Variants in FYB2 observed in about 807,000 individuals in gnomAD.
The protein encoded by FYB2 is FYN binding protein 2.
Under a neutral mutation model 94.1 loss-of-function variants are expected in FYB2, and 103 were observed. That is an observed-to-expected ratio of 1.09 (90% confidence interval 0.93 to 1.29). The LOEUF (loss-of-function observed/expected upper bound fraction) is 1.29, where lower values mean the gene tolerates loss of function less well. FYB2 is among the 50% of genes most tolerant of loss of function. FYB2 has a pLI of 0.00. For missense variants in FYB2, 896 were observed against 841.5 expected, an observed-to-expected ratio of 1.06 and a Z score of -0.80; for synonymous variants, 293 against 287.9, an observed-to-expected ratio of 1.02 and a Z score of -0.18.
intron 7 of FYB2, among the ~76,000 whole-genome samples, chr1:56,755,660 G>A (rs2100723039): frequency 6.6e-6 from 1 of 152,226 alleles, no homozygotes; most frequent in Admixed American, 6.5e-5. Context: ...TCTGGCACAT[G>A]TTGGGTACTC....
intron 4 of FYB2, among the ~76,000 whole-genome samples, chr1:56,779,043 G>A (rs1465789480): frequency 6.6e-6 from 1 of 152,120 alleles, no homozygotes; most frequent in Non-Finnish European, 1.5e-5. Flanking sequence ...AGGGAAGTTT[G>A]TTGTGTTTGA....
chr1:56,811,103 G>A (rs1646757267), intron 1 of FYB2, among the ~76,000 whole-genome samples: 3 of 152,086 alleles, frequency 2.0e-5, no homozygotes, highest in African/African-American at 2.4e-5. Flanking sequence ...AATCATAGAT[G>A]CTCTAGGGGA....
chr1:56,735,337 G>A (rs1481940590), intron 15 of FYB2, among the ~76,000 whole-genome samples: 5 of 152,082 alleles, frequency 3.3e-5, no homozygotes, highest in African/African-American at 4.8e-5. Context: ...AGGACATTAT[G>A]TTAAGTGAAA....
chr1:56,731,511 G>T (rs1010508285), intron 15 of FYB2, among the ~76,000 whole-genome samples: 6 of 151,934 alleles, frequency 3.9e-5, no homozygotes, highest in Non-Finnish European at 8.8e-5. Flanking sequence ...ATCATGGAGG[G>T]TTACTGTGAT....
chr1:56,788,488 G>C (rs1368867913), intron 3 of FYB2, among the ~76,000 whole-genome samples: 1 of 152,180 alleles, frequency 6.6e-6, no homozygotes. Context: ...AGATGTTTCA[G>C]TTTCTGGAAG....
chr1:56,814,263 C>T (rs1469736822), intron 1 of FYB2, among the ~76,000 whole-genome samples: 1 of 152,204 alleles, frequency 6.6e-6, no homozygotes, highest in African/African-American at 2.4e-5. Context: ...TCGGCTTTAT[C>T]ATCCAGGCCA....
intron 4 of FYB2, among the ~76,000 whole-genome samples, chr1:56,774,787 C>A (rs1321450989): frequency 6.6e-6 from 1 of 151,966 alleles, no homozygotes; most frequent in Non-Finnish European, 1.5e-5. Flanking sequence ...AAGACCCACC[C>A]TTAATCTGTG....
intron 5 of FYB2, among the ~76,000 whole-genome samples, chr1:56,763,061 GC>G (rs774606958): frequency 1.3e-5 from 2 of 152,118 alleles, no homozygotes; most frequent in Non-Finnish European, 2.9e-5. Flanking sequence ...TATTGAACCA[GC>G]TTTGCATCTC....
intron 1 of FYB2, among the ~76,000 whole-genome samples, chr1:56,803,742 C>A (rs1646573741): frequency 6.6e-6 from 1 of 152,228 alleles, no homozygotes; most frequent in South Asian, 2.1e-4. Context: ...CGTAGAACTC[C>A]TGGGCTCCCT....
chr1:56,791,627 T>C (rs907295476), intron 2 of FYB2, among the ~76,000 whole-genome samples: 1 of 152,142 alleles, frequency 6.6e-6, no homozygotes, highest in South Asian at 2.1e-4. Context: ...TGCCGACAGA[T>C]TCAGTGTGTA....
chr1:56,816,003 C>T (rs190065415), intron 1 of FYB2, among the ~76,000 whole-genome samples: 1 of 152,286 alleles, frequency 6.6e-6, no homozygotes. Flanking sequence ...AAACAAAATT[C>T]TATAGGGTTC....
intron 19 of FYB2, 27 bp from the exon 20 acceptor site, chr1:56,719,719 A>T: frequency 3.2e-6 from 5 of 1,555,532 alleles, no homozygotes; most frequent in Non-Finnish European, 4.4e-6. Context: ...ATATGCAAAC[A>T]TTTTAAAATA....
intron 3 of FYB2, 43 bp downstream of exon 3, chr1:56,788,930 G>C (rs1570156403): frequency 6.2e-7 from 1 of 1,609,802 alleles, no homozygotes; most frequent in East Asian, 2.2e-5. Flanking sequence ...AGACGGAGGT[G>C]ACTCCTGGTT....
chr1:56,788,838 C>T, intron 3 of FYB2, 135 bp downstream of exon 3: 1 of 1,275,428 alleles, frequency 7.8e-7, no homozygotes, highest in Non-Finnish European at 1.1e-6. Flanking sequence ...GCTGCCACAG[C>T]CTCTAGATGA....
chr1:56,770,636 A>G (rs1253105990), intron 4 of FYB2, among the ~76,000 whole-genome samples: 1 of 152,180 alleles, frequency 6.6e-6, no homozygotes, highest in East Asian at 1.9e-4. Flanking sequence ...AATTAATCAC[A>G]TTGTTTCAAT....
intron 1 of FYB2, among the ~76,000 whole-genome samples, chr1:56,806,162 A>G (rs1438061060): frequency 1.3e-5 from 2 of 152,170 alleles, no homozygotes; most frequent in Non-Finnish European, 2.9e-5. Context: ...GAAAAGATGG[A>G]CACATAAACA....
chr1:56,722,469 G>T (rs1644504422), intron 17 of FYB2, among the ~76,000 whole-genome samples: 1 of 152,064 alleles, frequency 6.6e-6, no homozygotes, highest in Non-Finnish European at 1.5e-5. Context: ...GTAAACAGAA[G>T]AAGAGTAATT....
At chr1:56,823,559 C>T (rs1399921844), upstream of FYB2, 1 of 152,186 alleles carries the variant, frequency 6.6e-6, no homozygotes, top group Non-Finnish European at 1.5e-5. Context: ...TCTCCTTTGC[C>T]TTGAATGAAG....
intron 2 of FYB2, 103 bp from the exon 3 acceptor site, chr1:56,789,237 T>G: frequency 7.7e-7 from 1 of 1,302,414 alleles, no homozygotes; most frequent in Non-Finnish European, 1.0e-6. Context: ...GTCCAATCTA[T>G]TCTCCACCCA....
Sources: gnomAD v4.1 joint callset for allele counts (sites outside exome capture counted in the v4.1 genomes callset) on GRCh38, gnomAD v4.1.1 for gene constraint, MANE v1.5 for transcripts, NCBI Gene and HGNC (gene_info 2026-07-23, HGNC 2026-07-21) for gene names.